Variants in PSEN1 observed in about 807,000 individuals in gnomAD.
PSEN1 encodes presenilin 1, also known as presenilin-1.
PSEN1 carries 15 observed loss-of-function variants against 53.5 expected under a neutral mutation model. The ratio of observed to expected loss-of-function variants is 0.28; its 90% CI spans 0.19 to 0.43. PSEN1 has a LOEUF of 0.43. Ranked by LOEUF, PSEN1 falls within the 20% of genes least tolerant of loss-of-function variation. The pLI is 1.00. For synonymous variants in PSEN1, 208 were observed against 209.8 expected, an observed-to-expected ratio of 0.99 and a Z score of 0.08; for missense variants, 387 against 571.2, an observed-to-expected ratio of 0.68 and a Z score of 3.29.
intron 1 of PSEN1, among the ~76,000 whole-genome samples, chr14:73,145,553 A>G (rs1039825011): frequency 1.3e-5 from 2 of 149,458 alleles, no homozygotes; most frequent in South Asian, 2.2e-4. Context: ...TGGCCAGGCT[A>G]GTCACGAACT....
chr14:73,213,430 C>T (rs1899783178), intron 10 of PSEN1, among the ~76,000 whole-genome samples: 1 of 151,956 alleles, frequency 6.6e-6, no homozygotes, highest in African/African-American at 2.4e-5. Context: ...AAAAGTGAAA[C>T]TATCAAGTAT....
In PSEN1 at chr14:73,216,995, C is replaced by T. The variant is rs1047344930; in HGVS notation, c.1130-131C>T. 32 of 1,020,544 alleles carry T rather than the reference C, an allele frequency of 3.1e-5. No homozygotes were observed. In the Admixed American group the frequency reaches 3.3e-4, roughly 10 times the overall value. The allele number at this position is 1,020,544 out of a possible 1,614,324, so 63.2% of individuals were successfully genotyped here. A position where few individuals can be genotyped will look rare whatever the true frequency, so the allele number is the denominator to read the frequency against. ...AAAAAGAAAGAAAACACAGCTGAAGCCTAATTTTGTATATCATTTACTGAC... is the reference window on the plus strand; with the variant it reads ...AAAAAGAAAGAAAACACAGCTGAAGTCTAATTTTGTATATCATTTACTGAC... On this transcript the variant is annotated intron_variant, in intron 10 of 11. Transcript: ENST00000324501.
intron 1 of PSEN1, among the ~76,000 whole-genome samples, chr14:73,143,025 TTTG>T (rs530940565): frequency 7.2e-5 from 11 of 152,296 alleles, no homozygotes; most frequent in Admixed American, 1.3e-4. Context: ...TGTTGTTGTT[TTTG>T]TTGTTCACAG....
chr14:73,173,505 T>C, intron 4 of PSEN1, 61 bp from the exon 5 acceptor site: 1 of 1,515,630 alleles, frequency 6.6e-7, no homozygotes, highest in Non-Finnish European at 9.2e-7. Flanking sequence ...TTGGAGGTGG[T>C]AATGTGGTTG....
At chr14:73,150,044 G>C (rs775130003) in intron 3 of PSEN1, among the ~76,000 whole-genome samples, 21 of 152,054 alleles carry the variant, frequency 1.4e-4, no homozygotes, top group Non-Finnish European at 1.0e-4. Flanking sequence ...AGTTGTGTTT[G>C]TTTTTTTAGC....
chr14:73,164,444 A>G (rs1181977273), intron 3 of PSEN1, among the ~76,000 whole-genome samples: 1 of 152,262 alleles, frequency 6.6e-6, no homozygotes, highest in Non-Finnish European at 1.5e-5. Context: ...GAATATGTAT[A>G]TGTAGAATAA....
intron 5 of PSEN1, among the ~76,000 whole-genome samples, chr14:73,179,807 C>T (rs1186708354): frequency 6.6e-6 from 1 of 152,128 alleles, no homozygotes; most frequent in Non-Finnish European, 1.5e-5. Context: ...ATTCCCCAGC[C>T]CACCTACCTC....
At chr14:73,162,271 C>G (rs1239707805) in intron 3 of PSEN1, among the ~76,000 whole-genome samples, 4 of 151,648 alleles carry the variant, frequency 2.6e-5, no homozygotes, top group African/African-American at 9.7e-5. Flanking sequence ...AAATTTATGC[C>G]AAGATTCCAT....
intron 3 of PSEN1, among the ~76,000 whole-genome samples, chr14:73,161,697 G>C (rs1897541914): frequency 6.6e-6 from 1 of 152,112 alleles, no homozygotes; most frequent in Non-Finnish European, 1.5e-5. Context: ...TGGCAACCAG[G>C]GAAGCTGGCT....
chr14:73,142,882 A>C (rs1196310488), intron 1 of PSEN1, among the ~76,000 whole-genome samples: 1 of 152,228 alleles, frequency 6.6e-6, no homozygotes, highest in Non-Finnish European at 1.5e-5. Flanking sequence ...AATGGATGTC[A>C]GTGAATTCAA....
chr14:73,168,346 C>CT (rs1491375135), intron 3 of PSEN1: 4 of 150,664 alleles, frequency 2.7e-5, no homozygotes, highest in African/African-American at 9.8e-5. Flanking sequence ...CCGAGTGAGA[C>CT]TCTGTCTCAA....
intron 3 of PSEN1, among the ~76,000 whole-genome samples, chr14:73,169,752 T>C: frequency 6.6e-6 from 1 of 152,086 alleles, no homozygotes; most frequent in East Asian, 1.9e-4. Flanking sequence ...TTCAGGTGAT[T>C]CTCCTGCCGT....
At chr14:73,146,126 G>A (rs940479901) in intron 1 of PSEN1, 4 of 151,390 alleles carry the variant, frequency 2.6e-5, no homozygotes, top group African/African-American at 7.3e-5. Flanking sequence ...CAGGAACAAA[G>A]GTATCGATAA....
chr14:73,215,518 G>A (rs76193270), intron 10 of PSEN1, among the ~76,000 whole-genome samples: 10,466 of 151,348 alleles, frequency 0.069, 524 homozygotes, highest in South Asian at 0.19. Context: ...GGGAGGTGGA[G>A]GTTTCAGTGA....
chr14:73,165,270 T>C (rs143606369), intron 3 of PSEN1, among the ~76,000 whole-genome samples: 1 of 152,270 alleles, frequency 6.6e-6, no homozygotes, highest in South Asian at 2.1e-4. Flanking sequence ...CTGTGCTTTT[T>C]TTAAATAAAG....
At chr14:73,171,438 G>A (rs911612113) in intron 4 of PSEN1, among the ~76,000 whole-genome samples, 2 of 152,024 alleles carry the variant, frequency 1.3e-5, no homozygotes, top group Non-Finnish European at 1.5e-5. Context: ...TTTTGGTGCC[G>A]CAAAAGAAGT....
intron 3 of PSEN1, among the ~76,000 whole-genome samples, chr14:73,158,469 G>A (rs1223586295): frequency 6.6e-6 from 1 of 152,104 alleles, no homozygotes; most frequent in Non-Finnish European, 1.5e-5. Context: ...GGGATTACAG[G>A]CGCCTGCCAC....
chr14:73,212,088 C>CTTTGTTTTTT (rs1899715884), intron 10 of PSEN1, 146 bp downstream of exon 10: 1 of 66,914 alleles, frequency 1.5e-5, no homozygotes, highest in African/African-American at 7.4e-5. Context: ...AGTAATAGTG[C>CTTTGTTTTTT]TTTTTTTTTT....
At chr14:73,165,199 G>A (rs1047510902) in intron 3 of PSEN1, among the ~76,000 whole-genome samples, 5 of 151,926 alleles carry the variant, frequency 3.3e-5, no homozygotes, top group African/African-American at 9.7e-5. Context: ...CGGGTGATCC[G>A]CCCGCCTCAG....
Sources: gnomAD v4.1 joint callset for allele counts (sites outside exome capture counted in the v4.1 genomes callset) on GRCh38, gnomAD v4.1.1 for gene constraint, MANE v1.5 for transcripts, NCBI Gene and HGNC (gene_info 2026-07-23, HGNC 2026-07-21) for gene names.